Variants in SAMD12 observed in about 807,000 individuals in gnomAD.
The protein encoded by SAMD12 is sterile alpha motif domain containing 12.
In SAMD12, 9 loss-of-function variants were observed where a neutral mutation model predicts 15.0. The observed-to-expected ratio is 0.60, with a 90% CI of 0.36 to 1.05. The LOEUF (loss-of-function observed/expected upper bound fraction) is 1.05, where lower values mean the gene tolerates loss of function less well. SAMD12 is among the 50% of genes least tolerant of loss of function. The probability of loss-of-function intolerance (pLI) is 0.01; values close to 1 mark genes in which losing one functional copy is unlikely to be tolerated. For synonymous variants in SAMD12, 86 were observed against 90.1 expected, an observed-to-expected ratio of 0.96 and a Z score of 0.25; for missense variants, 230 against 234.2, an observed-to-expected ratio of 0.98 and a Z score of 0.12.
At chr8:118,403,357 G>A (rs893029986) in intron 3 of SAMD12, among the ~76,000 whole-genome samples, 5 of 151,718 alleles carry the variant, frequency 3.3e-5, no homozygotes, top group South Asian at 4.2e-4. Context: ...TGTGTGTGTG[G>A]TGTATTTTTT....
At chr8:118,199,549 T>G (rs1819654370) in intron 4 of SAMD12, among the ~76,000 whole-genome samples, 1 of 152,192 alleles carries the variant, frequency 6.6e-6, no homozygotes, top group Non-Finnish European at 1.5e-5. Flanking sequence ...ATAATGATAA[T>G]AAAGAGTAAG....
the SAMD12 span, among the ~76,000 whole-genome samples, chr8:118,165,637 C>CATGTATATATGT: frequency 9.8e-6 from 1 of 102,262 alleles, no homozygotes; most frequent in African/African-American, 4.0e-5. Context: ...TATATATATA[C>CATGTATATATGT]ATATATATAT....
chr8:118,226,646 C>T (rs1237979143), intron 4 of SAMD12, among the ~76,000 whole-genome samples: 1 of 152,176 alleles, frequency 6.6e-6, no homozygotes, highest in African/African-American at 2.4e-5. Context: ...AAGATAAGTA[C>T]ATACATAGCC....
the SAMD12 span, among the ~76,000 whole-genome samples, chr8:118,169,560 A>C: frequency 2.0e-5 from 3 of 152,152 alleles, no homozygotes; most frequent in Non-Finnish European, 4.4e-5. Flanking sequence ...GCTTGAAGAA[A>C]ATTGTTTTCC....
At chr8:118,434,749 G>C (rs920443794) in intron 3 of SAMD12, among the ~76,000 whole-genome samples, 9 of 152,190 alleles carry the variant, frequency 5.9e-5, no homozygotes, top group African/African-American at 2.2e-4. Context: ...CTAACCTCAT[G>C]ATTTCAGTCT....
At chr8:118,447,699 TTTTAA>T (rs1563865904) in intron 2 of SAMD12, among the ~76,000 whole-genome samples, 3 of 137,034 alleles carry the variant, frequency 2.2e-5, no homozygotes, top group African/African-American at 5.3e-5. Context: ...TATTTTTTAT[TTTTAA>T]TATTTATTTA....
intron 3 of SAMD12, among the ~76,000 whole-genome samples, chr8:118,414,812 C>T (rs890382276): frequency 2.0e-5 from 3 of 152,156 alleles, no homozygotes; most frequent in African/African-American, 4.8e-5. Context: ...GTTCTCCTGA[C>T]CTAGTGGCGA....
At chr8:118,234,394 G>T (rs1355134517) in intron 4 of SAMD12, among the ~76,000 whole-genome samples, 1 of 152,014 alleles carries the variant, frequency 6.6e-6, no homozygotes, top group Non-Finnish European at 1.5e-5. Context: ...TTCCCCAGTG[G>T]AATGTACTCA....
chr8:118,344,444 T>C (rs1205936032), intron 4 of SAMD12, among the ~76,000 whole-genome samples: 2 of 152,176 alleles, frequency 1.3e-5, no homozygotes, highest in African/African-American at 4.8e-5. Context: ...CCTTGCAACA[T>C]TGTAAGAGGT....
chr8:118,137,827 C>T, the SAMD12 span, among the ~76,000 whole-genome samples: 1 of 152,136 alleles, frequency 6.6e-6, no homozygotes, highest in Admixed American at 6.5e-5. Context: ...TTTTGTTGGG[C>T]CACATTCAAA....
At chr8:118,217,178 ATTTTTAGTAG>A (rs1811983508) in intron 4 of SAMD12, among the ~76,000 whole-genome samples, 1 of 152,048 alleles carries the variant, frequency 6.6e-6, no homozygotes, top group Non-Finnish European at 1.5e-5. Flanking sequence ...TAATTTTTGT[ATTTTTAGTAG>A]AGACAGGGTT....
intron 4 of SAMD12, among the ~76,000 whole-genome samples, chr8:118,263,409 G>A (rs1813128199): frequency 6.6e-6 from 1 of 152,018 alleles, no homozygotes; most frequent in Admixed American, 6.6e-5. Flanking sequence ...ATTGTTTTAA[G>A]TATTGGATAT....
the SAMD12 span, among the ~76,000 whole-genome samples, chr8:118,163,183 C>T: frequency 1.3e-5 from 2 of 152,048 alleles, no homozygotes; most frequent in Non-Finnish European, 2.9e-5. Flanking sequence ...GACGTCATCA[C>T]AGCTCACTGT....
At chr8:118,224,678 A>G (rs1812151055) in intron 4 of SAMD12, among the ~76,000 whole-genome samples, 1 of 152,252 alleles carries the variant, frequency 6.6e-6, no homozygotes. Flanking sequence ...TTTAAATTTT[A>G]TATGTTCCAA....
chr8:118,515,673 C>A (rs1825221943), intron 2 of SAMD12, among the ~76,000 whole-genome samples: 5 of 152,176 alleles, frequency 3.3e-5, no homozygotes, highest in Non-Finnish European at 2.9e-5. Context: ...ACCCCAGGTA[C>A]CTTCCTCACT....
At chr8:118,421,503 C>T (rs1027826530) in intron 3 of SAMD12, among the ~76,000 whole-genome samples, 38 of 152,158 alleles carry the variant, frequency 2.5e-4, no homozygotes, top group African/African-American at 1.2e-4. Flanking sequence ...TTGCCACAAA[C>T]GGCTGGAAAC....
intron 3 of SAMD12, among the ~76,000 whole-genome samples, chr8:118,398,986 T>C (rs1157277409): frequency 6.6e-6 from 1 of 152,082 alleles, no homozygotes; most frequent in Non-Finnish European, 1.5e-5. Context: ...TGGTCTCAAG[T>C]GGTTCTCCCA....
chr8:118,442,765 T>A (rs1822799561), intron 2 of SAMD12, among the ~76,000 whole-genome samples: 1 of 152,216 alleles, frequency 6.6e-6, no homozygotes, highest in African/African-American at 2.4e-5. Context: ...CCTGAAACTC[T>A]TGCAAGTAAA....
intron 2 of SAMD12, among the ~76,000 whole-genome samples, chr8:118,445,999 C>T (rs189629271): frequency 3.9e-5 from 6 of 152,222 alleles, no homozygotes; most frequent in African/African-American, 7.2e-5. Context: ...AATGGATTAT[C>T]GAAGCCTAAA....
Sources: gnomAD v4.1 joint callset for allele counts (sites outside exome capture counted in the v4.1 genomes callset) on GRCh38, gnomAD v4.1.1 for gene constraint, MANE v1.5 for transcripts, NCBI Gene and HGNC (gene_info 2026-07-23, HGNC 2026-07-21) for gene names.